PLXNA3: variants seen among roughly 807,000 people sequenced by gnomAD.
PLXNA3 encodes plexin-A3.
A neutral mutation model predicts 118.8 loss-of-function variants in PLXNA3; 52 were observed. That is an observed-to-expected ratio of 0.44 (90% CI 0.35 to 0.55). The LOEUF (loss-of-function observed/expected upper bound fraction) is 0.55, where lower values mean the gene tolerates loss of function less well. Among genes scored for constraint, PLXNA3 ranks in the 20% least tolerant of loss-of-function variants. The probability of loss-of-function intolerance (pLI) is 0.01; values close to 1 mark genes in which losing one functional copy is unlikely to be tolerated. For missense variants in PLXNA3, 1,660 were observed against 1,730.8 expected, an observed-to-expected ratio of 0.96 and a Z score of 0.73; for synonymous variants, 925 against 762.4, an observed-to-expected ratio of 1.21 and a Z score of -3.51.
In PLXNA3 at chrX:154,469,769, T is replaced by A. The variant is rs782378742; in HGVS notation, c.4780T>A (p.Ser1594Thr). ...NMANSFTFTR[S>T]LSRYESLLRT... ...GGCCAACTCCTTCACCTTCACCCGC[T>A]CCCTCAGCCGCTACGGTAGGTGTCC... is the stretch of plus-strand genomic sequence containing the variant. The change falls in exon 28 of 33, where the codon TCC (serine) becomes ACC (threonine). Residue 1594 changes from serine (S) to threonine (T), a missense_variant. Coordinates refer to ENST00000369682, the MANE Select transcript of PLXNA3 (RefSeq NM_017514.5). The A allele has an allele frequency of 8.3e-7, 1 of 1,208,345 alleles. No individual in the cohort carries two copies. The highest frequency in any genetic ancestry group is 1.1e-6 in the Non-Finnish European group (1 of 892,251).
Position 154,469,710 on chromosome X carries a change from C to T in PLXNA3, c.4721C>T (p.Ala1574Val). 1 of 1,210,097 alleles carries T rather than the reference C, an allele frequency of 8.3e-7. No individual in the cohort carries two copies. The highest frequency in any genetic ancestry group is 1.1e-6 in the Non-Finnish European group (1 of 893,870). The change falls in exon 28 of 33, where the codon GCA becomes GTA. Residue 1574 changes from alanine (A) to valine (V), a missense_variant. Coordinates refer to ENST00000369682, the MANE Select transcript of PLXNA3 (RefSeq NM_017514.5). ...CAGGTGACAGACGGTTCCTTGGTGGCATTGGTGCCCAAACAAGTGTCTGCC... is the reference window on the plus strand; with the variant it reads ...CAGGTGACAGACGGTTCCTTGGTGGTATTGGTGCCCAAACAAGTGTCTGCC... ...HYQVTDGSLV[A>V]LVPKQVSAYN...
At position 154,463,979 on chromosome X, in the gene PLXNA3, G is replaced by A. The variant is rs376423590; in HGVS notation, c.1576G>A (p.Ala526Thr). Residue 526 changes from alanine (A) to threonine (T), a missense_variant, in exon 7 of 33, where the codon GCC becomes ACC. By Grantham distance (58) the Ala-to-Thr change is moderately conservative (BLOSUM62 0). Transcript: ENST00000369682. ...RCCREGACLG[A>T]SAPHGFAEEL... is the part of the protein sequence containing the mutation. ...CTGCCGCGAAGGGGCCTGTCTGGGC[G>A]CCTCTGCCCCACACGGCTTTGCTGA... is the stretch of plus-strand genomic sequence containing the variant. 2.4e-5 allele frequency: 28 copies of A among 1,191,027 alleles called. No individual in the cohort carries two copies. The highest frequency in any genetic ancestry group is 8.8e-5 in the African/African-American group (5 of 56,999).
chrX:154,476,025 A>C lies in PLXNA3; in HGVS notation c.*3340A>C, dbSNP rs2069233866. The C allele has an allele frequency of 8.9e-6, 1 of 112,048 alleles. No individual in the cohort carries two copies. Among genetic ancestry groups the C allele is most frequent in the Non-Finnish European group, 1.9e-5 (1 of 53,130 alleles). The allele number at this position is 112,048 out of a possible 1,213,427, so 9.2% of individuals were successfully genotyped here. ...CTCTACAAAAAATAAAAAACTAGCCAGGCATGGTGGTGCATGCCTGTGGTC... is the reference window on the plus strand; with the variant it reads ...CTCTACAAAAAATAAAAAACTAGCCCGGCATGGTGGTGCATGCCTGTGGTC... On this transcript the variant is annotated 3_prime_UTR_variant, in exon 33 of 33. Coordinates refer to ENST00000369682, the MANE Select transcript of PLXNA3 (RefSeq NM_017514.5).
In PLXNA3 at chrX:154,460,800, C is replaced by A. The variant is rs782351884; in HGVS notation, c.594+23C>A. 4 of 1,028,094 alleles carry A rather than the reference C, an allele frequency of 3.9e-6. No homozygotes were observed. The East Asian group carries it at 9.3e-5, about 24-fold the overall frequency. The allele number at this position is 1,028,094 out of a possible 1,213,427, so 84.7% of individuals were successfully genotyped here. ...CTCGTGCGTGAGCCTTCCTTCTCTT[C>A]TTCCTCCACCCAGTCCTGGCTCTGC... On this transcript the variant is annotated intron_variant, in intron 2 of 32. Transcript: ENST00000369682.
chrX:154,463,712 C>G, intron 6 of PLXNA3, 22 bp downstream of exon 6: 1 of 1,144,994 alleles, frequency 8.7e-7, no homozygotes, highest in Admixed American at 2.4e-5. Flanking sequence ...GACCCCTGCT[C>G]GGGGAGTTGG....
rs781876165 is a variant in PLXNA3, at chrX:154,468,159, C to T, written c.3898C>T (p.Arg1300Trp). 2.5e-6 allele frequency: 3 copies of T among 1,189,568 alleles called. No individual in the cohort carries two copies. Among genetic ancestry groups the T allele is most frequent in the South Asian group, 1.9e-5 (1 of 53,029 alleles). ...DEVQIPFLDY[R>W]TYAVRVLFPG... ...GGTGCAGATCCCCTTCCTGGACTAC[C>T]GGACTTACGCCGTGCGCGTGCTCTT... Residue 1300 changes from arginine to tryptophan, a missense_variant, in exon 22 of 33, where the codon CGG becomes TGG. Coordinates refer to ENST00000369682, the MANE Select transcript of PLXNA3 (RefSeq NM_017514.5).
At chrX:154,459,635 A>T (rs782575734) in intron 1 of PLXNA3, among the ~76,000 whole-genome samples, 63 of 112,266 alleles carry the variant, frequency 5.6e-4, no homozygotes, top group Non-Finnish European at 1.1e-3. Flanking sequence ...TCGGGGAGGC[A>T]GCTGGGGCCC....
chrX:154,471,707 G>A lies in PLXNA3; in HGVS notation c.5520+69G>A, dbSNP rs1603395324. On this transcript the variant is annotated intron_variant, in intron 32 of 32. Coordinates refer to ENST00000369682, the MANE Select transcript of PLXNA3 (RefSeq NM_017514.5). ...GTGCAGCCAGTGACAAAGGCAGGAG[G>A]GTTGGTGGGGGTTGGGGATTGTTCA... 4.0e-6 allele frequency: 4 copies of A among 1,010,034 alleles called. No homozygotes were observed. In the East Asian group the frequency reaches 1.2e-4, roughly 31 times the overall value. The allele number at this position is 1,010,034 out of a possible 1,213,427, so 83.2% of individuals were successfully genotyped here. A position where few individuals can be genotyped will look rare whatever the true frequency, so the allele number is the denominator to read the frequency against.
Position 154,473,642 on chromosome X carries a change from A to G in PLXNA3, c.*957A>G, listed in dbSNP as rs2069215004. ...CCTGATTAAATGTTGGGGAAATGCCATCCATGTGGGGCTCTGTCCTTGGGG... is the reference window on the plus strand; with the variant it reads ...CCTGATTAAATGTTGGGGAAATGCCGTCCATGTGGGGCTCTGTCCTTGGGG... On this transcript the variant is annotated 3_prime_UTR_variant, in exon 33 of 33. Transcript: ENST00000369682. 8.9e-6 allele frequency: 1 copy of G among 112,504 alleles called. No individual in the cohort carries two copies. The highest frequency in any genetic ancestry group is 3.2e-5 in the African/African-American group (1 of 30,904). The allele number at this position is 112,504 out of a possible 1,213,427, so 9.3% of individuals were successfully genotyped here.
chrX:154,468,554 A>G lies in PLXNA3; in HGVS notation c.4215A>G (p.Leu1405=), dbSNP rs1804465775. The stretch of plus-strand genomic sequence containing the variant: ...GCAAGAACCACCCCAAGCTGCTGCT[A>G]CGCAGGTACCTGCCTTGCTCTATCC... ...LESKNHPKLL[L]RRTESVAEKM... is the part of the protein sequence containing the mutation. The change falls in exon 23 of 33, where the codon CTA becomes CTG. Residue 1405 remains leucine, a synonymous_variant. Transcript: ENST00000369682. The G allele has an allele frequency of 2.5e-6, 3 of 1,207,744 alleles. No individual in the cohort carries two copies. The highest frequency in any genetic ancestry group is 3.4e-6 in the Non-Finnish European group (3 of 894,203).
In PLXNA3 at chrX:154,467,936, C is replaced by T. The variant is rs1557207937; in HGVS notation, c.3755C>T (p.Thr1252Ile). The change falls in exon 21 of 33, where the codon ACC becomes ATC. Residue 1252 changes from threonine to isoleucine, a missense_variant. By Grantham distance (89) the Thr-to-Ile change is moderately conservative. Coordinates refer to ENST00000369682, the MANE Select transcript of PLXNA3 (RefSeq NM_017514.5). ...CGCAAGACTCAGGACGCGGACCGTA[C>T]CCTCAAGCGTCTGCAGCTGCAGATG... ...YKRKTQDADR[T>I]LKRLQLQMDN... is the part of the protein sequence containing the mutation. 1.7e-6 allele frequency: 2 copies of T among 1,210,870 alleles called. No homozygotes were observed. Among genetic ancestry groups the T allele is most frequent in the African/African-American group, 1.7e-5 (1 of 57,808 alleles).
At chrX:154,465,324 C>T in intron 11 of PLXNA3, 100 bp from the exon 12 acceptor site, 1 of 1,033,749 alleles carries the variant, frequency 9.7e-7, no homozygotes, top group Non-Finnish European at 1.3e-6. Flanking sequence ...GAGTCTCCTG[C>T]TAGGGATTCC....
chrX:154,458,965 CCT>C (rs1251790768), intron 1 of PLXNA3, among the ~76,000 whole-genome samples: 20 of 110,220 alleles, frequency 1.8e-4, no homozygotes, highest in African/African-American at 6.6e-4. Context: ...CAGGATGTGG[CCT>C]CTCTTTTCTT....
chrX:154,463,361 T>TGGTGG (rs1557205462), intron 4 of PLXNA3, 30 bp from the exon 5 acceptor site: 1 of 1,210,266 alleles, frequency 8.3e-7, no homozygotes, highest in Non-Finnish European at 1.1e-6. Context: ...CAGGAGGCTG[T>TGGTGG]GGTGGCATCA....
rs781937905 is a variant in PLXNA3, at chrX:154,467,975, C to T, written c.3794C>T (p.Ser1265Phe). The change falls in exon 21 of 33, where the codon TCC (serine) becomes TTC (phenylalanine). Residue 1265 changes from serine (S) to phenylalanine (F), a missense_variant. Physicochemically the swap from Ser to Phe is radical, Grantham distance 155. This residue lies in a region of PLXNA3 where 869 missense variants were observed against 1,078.7 expected (regional missense o/e 0.81). Transcript: ENST00000369682. The part of the protein sequence containing the change: ...RLQLQMDNLE[S>F]RVALECKEAF... Reference sequence around the variant, plus strand: ...CAGCTGCAGATGGACAACCTGGAGTCCCGTGTGGCCCTGGAGTGCAAGGAA... The same window carrying T: ...CAGCTGCAGATGGACAACCTGGAGTTCCGTGTGGCCCTGGAGTGCAAGGAA... The T allele has an allele frequency of 8.3e-7, 1 of 1,209,986 alleles. No homozygotes were observed. Among genetic ancestry groups the T allele is most frequent in the Non-Finnish European group, 1.1e-6 (1 of 894,348 alleles).
chrX:154,468,705 G>A lies in PLXNA3; in HGVS notation c.4263G>A (p.Thr1421=), dbSNP rs200677416. Residue 1421 remains threonine (T), a synonymous_variant, in exon 24 of 33, where the codon ACG becomes ACA. Coordinates refer to ENST00000369682, the MANE Select transcript of PLXNA3 (RefSeq NM_017514.5). ...AGAAGATGCTTACCAACTGGTTCAC[G>A]TTCCTGCTGCATAAGTTTCTGAAGG... ...VAEKMLTNWF[T]FLLHKFLKEC... 24 of 1,210,525 alleles carry A rather than the reference G, an allele frequency of 2.0e-5. No individual in the cohort carries two copies. In the East Asian group the frequency reaches 5.6e-4, roughly 28 times the overall value.
Position 154,465,190 on chromosome X carries a change from G to T in PLXNA3, c.2216G>T (p.Ser739Ile). 8.3e-7 allele frequency: 1 copy of T among 1,209,257 alleles called. No individual in the cohort carries two copies. The highest frequency in any genetic ancestry group is 1.1e-6 in the Non-Finnish European group (1 of 894,722). Residue 739 changes from serine to isoleucine, a missense_variant, in exon 11 of 33, where the codon AGC (serine) becomes ATC (isoleucine). Physicochemically the swap from Ser to Ile is moderately radical, Grantham distance 142. Transcript: ENST00000369682. ...CGGGTGCCTGCCGTGCGCTTCAACAGCAGCAGTGTGCAGTGCCAGAACGCC... is the reference window on the plus strand; with the variant it reads ...CGGGTGCCTGCCGTGCGCTTCAACATCAGCAGTGTGCAGTGCCAGAACGCC... Reference protein sequence around the residue: ...QQRVPAVRFNSSSVQCQNASY... With the variant: ...QQRVPAVRFNISSVQCQNASY...
chrX:154,461,678 C>G, intron 3 of PLXNA3, 40 bp downstream of exon 3: 1 of 1,113,324 alleles, frequency 9.0e-7, no homozygotes, highest in Non-Finnish European at 1.2e-6. Flanking sequence ...TCTGCCCTGT[C>G]CCAGGTCTAC....
In PLXNA3 at chrX:154,473,561, C is replaced by G. The variant is rs1557210220; in HGVS notation, c.*876C>G. 1 of 113,370 alleles carries G rather than the reference C, an allele frequency of 8.8e-6. No homozygotes were observed. 9.3% of individuals were successfully genotyped at this position (113,370 alleles called of 1,213,427 possible). ...TGGCCCTGTCTGACAGTCCCAGACC[C>G]CCCGTTCTCTCCTCTTTAGTTGCAT... On this transcript the variant is annotated 3_prime_UTR_variant, in exon 33 of 33. Coordinates refer to ENST00000369682, the MANE Select transcript of PLXNA3 (RefSeq NM_017514.5).
Sources: allele counts gnomAD v4.1 joint callset (sites outside exome capture counted in the v4.1 genomes callset), GRCh38; gene constraint gnomAD v4.1.1; regional missense constraint gnomAD v4.1.1; transcripts MANE v1.5; gene names NCBI Gene and HGNC (gene_info 2026-07-23, HGNC 2026-07-21).